The following ZNF536 variants were observed in gnomAD, a reference collection of about 807,000 sequenced individuals.
ZNF536 encodes zinc finger protein 536.
A neutral mutation model predicts 84.5 loss-of-function variants in ZNF536; 13 were observed. The ratio of observed to expected loss-of-function variants is 0.15; its 90% CI spans 0.10 to 0.24. The LOEUF (loss-of-function observed/expected upper bound fraction) is 0.24. Ranked by LOEUF, ZNF536 falls within the 10% of genes least tolerant of loss-of-function variation. The probability of loss-of-function intolerance (pLI) is 1.00; values close to 1 mark genes in which losing one functional copy is unlikely to be tolerated. For synonymous variants in ZNF536, 811 were observed against 742.5 expected, an observed-to-expected ratio of 1.09 and a Z score of -1.50; for missense variants, 1,536 against 1,747.5, an observed-to-expected ratio of 0.88 and a Z score of 2.16.
At position 30,548,920 on chromosome 19, in the gene ZNF536, G is replaced by A. The variant is rs2045665099; in HGVS notation, c.3301G>A (p.Asp1101Asn). 1 of 1,614,152 alleles carries A rather than the reference G, an allele frequency of 6.2e-7. No individual in the cohort carries two copies. Among genetic ancestry groups the A allele is most frequent in the Non-Finnish European group, 8.5e-7 (1 of 1,180,036 alleles). The change falls in exon 4 of 5, where the codon GAC (aspartate) becomes AAC (asparagine). Residue 1101 changes from aspartate to asparagine, a missense_variant. Transcript: ENST00000355537. ...QKSGAWTGHVDPAFCNFPSDF... is the reference protein window; with the variant it reads ...QKSGAWTGHVNPAFCNFPSDF... ...GAGCGGTGCATGGACCGGCCACGTG[G>A]ACCCTGCATTTTGTAACTTCCCATC...
At chr19:30,535,310 G>T (rs1473898105) in intron 3 of ZNF536, among the ~76,000 whole-genome samples, 6 of 152,182 alleles carry the variant, frequency 3.9e-5, no homozygotes, top group Non-Finnish European at 8.8e-5. Flanking sequence ...TGTATTGAAG[G>T]AGTCCCTCCC....
At chr19:30,599,480 T>TTCCTTCTTTCCTTCCC (rs1161752305) in intron 1 of ZNF536, among the ~76,000 whole-genome samples, 1 of 101,046 alleles carries the variant, frequency 9.9e-6, no homozygotes, top group African/African-American at 4.0e-5. Flanking sequence ...CCTTCCTTCC[T>TTCCTTCTTTCCTTCCC]TCCCTCCTTC....
At chr19:30,654,520 G>T (rs1332888756) in intron 1 of ZNF536, among the ~76,000 whole-genome samples, 1 of 152,054 alleles carries the variant, frequency 6.6e-6, no homozygotes, top group African/African-American at 2.4e-5. Context: ...TAAAGCGAAA[G>T]AACTGTGGAA....
intron 2 of ZNF536, among the ~76,000 whole-genome samples, chr19:30,447,042 C>A (rs185808831): frequency 1.3e-4 from 20 of 152,324 alleles, no homozygotes; most frequent in Admixed American, 5.2e-4. Context: ...TAACAAATAC[C>A]CTGTTACTAA....
intron 1 of ZNF536, among the ~76,000 whole-genome samples, chr19:30,567,876 G>C (rs905035819): frequency 2.0e-5 from 3 of 152,102 alleles, no homozygotes; most frequent in African/African-American, 7.2e-5. Flanking sequence ...ATCTGAACTT[G>C]AGCTTCCAGA....
intron 1 of ZNF536, among the ~76,000 whole-genome samples, chr19:30,680,508 T>G (rs2050926376): frequency 6.7e-6 from 1 of 150,068 alleles, no homozygotes; most frequent in African/African-American, 2.4e-5. Context: ...CGGTGTTTGG[T>G]TTTTTGTTCT....
chr19:30,607,868 T>C lies in ZNF536; in HGVS notation c.169+58354T>C, dbSNP rs141502456. 9.7e-4 allele frequency among the ~76,000 whole-genome samples: 148 copies of C among 152,316 alleles called. 1 individual carries two copies. Among genetic ancestry groups the C allele is most frequent in the Non-Finnish European group, 1.8e-3 (125 of 68,026 alleles). ...CATACAATAGGTATTTTCTGCACTT[T>C]GCTTTTTTTCACTTAAACAGAATGA... On this transcript the variant is annotated intron_variant, in intron 1 of 1. Transcript: ENST00000592773.
At chr19:30,619,657 C>T (rs1600047989) in intron 1 of ZNF536, among the ~76,000 whole-genome samples, 1 of 152,220 alleles carries the variant, frequency 6.6e-6, no homozygotes, top group Non-Finnish European at 1.5e-5. Flanking sequence ...TTCCACATTC[C>T]ATTCTGCTTT....
In ZNF536 at chr19:30,344,304, T is replaced by TTTATATATATATATAAACTGGGCGTGG; in HGVS notation, c.-119-8063_-119-8062insTATATATATATATAAACTGGGCGTGGT. ...AAATACACACACACACACAAATATATTGGCGGCCTCCTATAATCCCAGCTA... is the reference window on the plus strand; with the variant it reads ...AAATACACACACACACACAAATATATTTATATATATATATAAACTGGGCGTGGTGGCGGCCTCCTATAATCCCAGCTA... On this transcript the variant is annotated intron_variant, in intron 2 of 5. Transcript: ENST00000585628. 9.1e-5 allele frequency among the ~76,000 whole-genome samples: 6 copies of TTTATATATATATATAAACTGGGCGTGG among 66,282 alleles called. 1 individual carries two copies. The East Asian group carries it at 2.5e-3, about 27-fold the overall frequency. The allele number at this position is 66,282 out of a possible 152,430, so 43.5% of individuals were successfully genotyped here. A position where few individuals can be genotyped will look rare whatever the true frequency, so the allele number is the denominator to read the frequency against.
intron 1 of ZNF536, among the ~76,000 whole-genome samples, chr19:30,442,191 C>T (rs576790702): frequency 1.3e-5 from 2 of 152,202 alleles, no homozygotes; most frequent in South Asian, 4.1e-4. Context: ...GGATCCCAGG[C>T]AGGGGTTCAT....
At chr19:30,525,144 A>T (rs2044521266) in intron 2 of ZNF536, among the ~76,000 whole-genome samples, 2 of 152,124 alleles carry the variant, frequency 1.3e-5, no homozygotes. Context: ...CTTGCTGATT[A>T]TAATTGTGTG....
intron 1 of ZNF536, among the ~76,000 whole-genome samples, chr19:30,248,869 C>G (rs371508580): frequency 7.2e-5 from 11 of 152,212 alleles, no homozygotes; most frequent in African/African-American, 2.6e-4. Context: ...TAGCACCCCT[C>G]CCCCAGAAGT....
rs780193924 is a variant in ZNF536 at position 30,299,245 on chromosome 19, AT to A, written c.-120+15107del. On this transcript the variant is annotated intron_variant, in intron 2 of 5. Coordinates refer to the ZNF536 transcript ENST00000585628. ...TGGCAACATTAAATGGCAACAGCTC[AT>A]TTAAATAAGCAACATCTGGACATTA... Among the ~76,000 whole-genome samples the A allele has an allele frequency of 8.1e-4, 123 of 152,344 alleles. 1 individual carries two copies. The highest frequency in any genetic ancestry group is 1.8e-3 in the Admixed American group (27 of 15,302).
At chr19:30,681,241 C>T (rs1167276973) in intron 1 of ZNF536, among the ~76,000 whole-genome samples, 1 of 152,158 alleles carries the variant, frequency 6.6e-6, no homozygotes, top group African/African-American at 2.4e-5. Flanking sequence ...GTTTGCCCTG[C>T]AGCACAGGAA....
rs114547371 is a variant in ZNF536, at chr19:30,431,244, A to C, written c.-2-12317A>C. On this transcript the variant is annotated intron_variant, in intron 1 of 4. Coordinates refer to ENST00000355537, the MANE Select transcript of ZNF536 (RefSeq NM_014717.3). ...AGTCAGTCTTCCCTCCTCTCCCAGG[A>C]GGCCAGCCCGGCAGAGGCTGGGCCA... is the stretch of plus-strand genomic sequence containing the variant. Among the ~76,000 whole-genome samples, 817 of 152,204 alleles carry C rather than the reference A, an allele frequency of 5.4e-3. 12 individuals are homozygous for C. The highest frequency in any genetic ancestry group is 0.019 in the African/African-American group (779 of 41,532).
In ZNF536 at chr19:30,549,078, G is replaced by T; in HGVS notation, c.3459G>T (p.Thr1153=). 1 of 1,614,120 alleles carries T rather than the reference G, an allele frequency of 6.2e-7. No individual in the cohort carries two copies. Among genetic ancestry groups the T allele is most frequent in the South Asian group, 1.1e-5 (1 of 91,082 alleles). ...EDVPILIPET[T]SKNTTDDLSD... is the part of the protein sequence containing the mutation. ...TCCCCATCCTGATCCCCGAAACCACGAGTAAGAACACTACTGATGACCTCT... is the reference window on the plus strand; with the variant it reads ...TCCCCATCCTGATCCCCGAAACCACTAGTAAGAACACTACTGATGACCTCT... The change falls in exon 4 of 5, where the codon ACG becomes ACT. Residue 1153 remains threonine, a synonymous_variant. Transcript: ENST00000355537.
chr19:30,245,530 C>T (rs2024207855), intron 1 of ZNF536, among the ~76,000 whole-genome samples: 1 of 152,186 alleles, frequency 6.6e-6, no homozygotes, highest in Non-Finnish European at 1.5e-5. Flanking sequence ...CCTTTGAGAA[C>T]AATGACATGT....
intron 1 of ZNF536, among the ~76,000 whole-genome samples, chr19:30,431,163 C>G (rs2051442703): frequency 6.6e-6 from 1 of 152,210 alleles, no homozygotes; most frequent in South Asian, 2.1e-4. Context: ...AGCCCTGGTT[C>G]CATGAGATGG....
At chr19:30,514,479 T>C (rs1188100316) in intron 2 of ZNF536, among the ~76,000 whole-genome samples, 1 of 151,880 alleles carries the variant, frequency 6.6e-6, no homozygotes, top group Non-Finnish European at 1.5e-5. Flanking sequence ...AGATGAGAAA[T>C]GGTGTGACTG....
Sources: gnomAD v4.1 joint callset for allele counts (sites outside exome capture counted in the v4.1 genomes callset) on GRCh38, gnomAD v4.1.1 for gene constraint, MANE v1.5 for transcripts, NCBI Gene and HGNC (gene_info 2026-07-23, HGNC 2026-07-21) for gene names.